The following B3GALT1 variants were observed in gnomAD, a reference collection of about 807,000 sequenced individuals.
The protein encoded by B3GALT1 is UDP-Gal:betaGlcNAc beta 1,3-galactosyltransferase, polypeptide 1.
B3GALT1 carries 10 observed loss-of-function variants against 23.2 expected under a neutral mutation model. The ratio of observed to expected loss-of-function variants is 0.43; its 90% confidence interval spans 0.27 to 0.73. The LOEUF (loss-of-function observed/expected upper bound fraction) is 0.73. B3GALT1 is among the 30% of genes least tolerant of loss of function. B3GALT1 has a pLI of 0.21. For synonymous variants in B3GALT1, 156 were observed against 141.5 expected, an observed-to-expected ratio of 1.10 and a Z score of -0.73; for missense variants, 299 against 405.4, an observed-to-expected ratio of 0.74 and a Z score of 2.25.
chr2:167,674,008 T>A (rs1686380831), intron 3 of B3GALT1, among the ~76,000 whole-genome samples: 1 of 152,286 alleles, frequency 6.6e-6, no homozygotes, highest in African/African-American at 2.4e-5. Context: ...TAAGCTTTGC[T>A]ATTCTATTTA....
chr2:167,721,843 C>A (rs1196780826), intron 3 of B3GALT1, among the ~76,000 whole-genome samples: 1 of 152,148 alleles, frequency 6.6e-6, no homozygotes, highest in Non-Finnish European at 1.5e-5. Context: ...AAATTCCGGC[C>A]AGGTAGTAAA....
intron 2 of B3GALT1, among the ~76,000 whole-genome samples, chr2:167,633,686 C>A (rs1169986796): frequency 2.0e-5 from 3 of 152,010 alleles, no homozygotes; most frequent in African/African-American, 7.2e-5. Flanking sequence ...ATTCATAAAG[C>A]AAGTTCTTAG....
chr2:167,576,520 G>GTTTTTTTTTTTGTTTTTTTT (rs1376836988), intron 2 of B3GALT1, among the ~76,000 whole-genome samples: 3 of 122,350 alleles, frequency 2.5e-5, no homozygotes, highest in African/African-American at 3.0e-5. Flanking sequence ...TTGTTTTTCT[G>GTTTTTTTTTTTGTTTTTTTT]TTTTTTTTTT....
At chr2:167,861,160 G>A (rs1690092070) in intron 4 of B3GALT1, among the ~76,000 whole-genome samples, 1 of 152,162 alleles carries the variant, frequency 6.6e-6, no homozygotes, top group African/African-American at 2.4e-5. Flanking sequence ...TAAATTATGT[G>A]AGTTGTTCAA....
intron 3 of B3GALT1, among the ~76,000 whole-genome samples, chr2:167,802,410 T>A (rs531176787): frequency 3.3e-5 from 5 of 152,360 alleles, no homozygotes; most frequent in African/African-American, 1.2e-4. Context: ...TTGTTTTTTA[T>A]CATTTTTTAA....
intron 3 of B3GALT1, among the ~76,000 whole-genome samples, chr2:167,700,920 C>G (rs1558952937): frequency 1.3e-5 from 2 of 152,116 alleles, no homozygotes; most frequent in African/African-American, 4.8e-5. Context: ...CACATAGGAT[C>G]GTGATTCAAC....
At chr2:167,431,020 AC>A (rs1698698344) in intron 1 of B3GALT1, among the ~76,000 whole-genome samples, 1 of 152,184 alleles carries the variant, frequency 6.6e-6, no homozygotes, top group Non-Finnish European at 1.5e-5. Flanking sequence ...TTATATTTGG[AC>A]AACAGAGAAT....
At chr2:167,745,233 C>G (rs188303607) in intron 3 of B3GALT1, among the ~76,000 whole-genome samples, 7 of 126,552 alleles carry the variant, frequency 5.5e-5, no homozygotes, top group African/African-American at 1.8e-4. Flanking sequence ...TATTCTAAAA[C>G]CATACAAAAC....
intron 2 of B3GALT1, among the ~76,000 whole-genome samples, chr2:167,507,504 C>CAAAA (rs60408245): frequency 2.3e-4 from 6 of 26,610 alleles, no homozygotes; most frequent in African/African-American, 4.2e-4. Flanking sequence ...GACTCCGTCT[C>CAAAA]AAAAAAAAAA....
chr2:167,620,661 C>T (rs561846572), intron 2 of B3GALT1, among the ~76,000 whole-genome samples: 3 of 152,170 alleles, frequency 2.0e-5, no homozygotes, highest in South Asian at 2.1e-4. Flanking sequence ...CCAATCAATG[C>T]GCACATTCCC....
intron 3 of B3GALT1, among the ~76,000 whole-genome samples, chr2:167,796,250 C>T (rs1420071747): frequency 6.6e-6 from 1 of 152,120 alleles, no homozygotes; most frequent in Admixed American, 6.5e-5. Flanking sequence ...TGTGGCCATT[C>T]GTGACAATAA....
intron 1 of B3GALT1, among the ~76,000 whole-genome samples, chr2:167,351,431 A>G (rs572924167): frequency 3.3e-5 from 5 of 152,200 alleles, no homozygotes; most frequent in Non-Finnish European, 5.9e-5. Flanking sequence ...AAAATGAAAT[A>G]AAGTATACCT....
chr2:167,700,334 C>G (rs923905385), intron 3 of B3GALT1, among the ~76,000 whole-genome samples: 1 of 152,056 alleles, frequency 6.6e-6, no homozygotes, highest in Admixed American at 6.6e-5. Context: ...GAAAGGTTAC[C>G]TTTTCTTGAT....
chr2:167,385,486 G>A (rs1697913361), intron 1 of B3GALT1, among the ~76,000 whole-genome samples: 1 of 151,356 alleles, frequency 6.6e-6, no homozygotes, highest in Admixed American at 6.6e-5. Flanking sequence ...CTTGGTACAT[G>A]CTCAGTAAAT....
intron 1 of B3GALT1, among the ~76,000 whole-genome samples, chr2:167,359,489 C>A (rs1697466162): frequency 6.6e-6 from 1 of 152,150 alleles, no homozygotes; most frequent in Non-Finnish European, 1.5e-5. Flanking sequence ...CTTATATATA[C>A]ACATTTTTTA....
At chr2:167,775,387 G>A (rs573387842) in intron 3 of B3GALT1, among the ~76,000 whole-genome samples, 216 of 152,142 alleles carry the variant, frequency 1.4e-3, no homozygotes, top group Non-Finnish European at 2.3e-3. Context: ...TGGCCATTAT[G>A]GTGAAACCCC....
intron 1 of B3GALT1, among the ~76,000 whole-genome samples, chr2:167,444,000 G>A (rs1326713605): frequency 1.3e-5 from 2 of 152,088 alleles, no homozygotes; most frequent in Admixed American, 6.5e-5. Flanking sequence ...TATTGGCTGT[G>A]GGTTTGTTTT....
chr2:167,545,282 A>T (rs538349877), intron 2 of B3GALT1, among the ~76,000 whole-genome samples: 6 of 151,234 alleles, frequency 4.0e-5, no homozygotes, highest in Non-Finnish European at 8.9e-5. Context: ...TGATCCGCCC[A>T]CCTCGGCCTC....
At chr2:167,771,414 A>AC (rs981577972) in intron 3 of B3GALT1, among the ~76,000 whole-genome samples, 13 of 152,052 alleles carry the variant, frequency 8.5e-5, no homozygotes, top group Admixed American at 7.9e-4. Flanking sequence ...ACATGGTGAA[A>AC]CCCCATCTCA....
Sources: gnomAD v4.1 joint callset for allele counts (sites outside exome capture counted in the v4.1 genomes callset) on GRCh38, gnomAD v4.1.1 for gene constraint, MANE v1.5 for transcripts, NCBI Gene and HGNC (gene_info 2026-07-23, HGNC 2026-07-21) for gene names.